Variants in HHLA2 observed in about 807,000 individuals in gnomAD.
The protein encoded by HHLA2 is HHLA2 member of B7 family.
HHLA2 carries 48 observed loss-of-function variants against 45.9 expected under a neutral mutation model. That is an observed-to-expected ratio of 1.05 (90% CI 0.83 to 1.33). HHLA2 has a LOEUF of 1.33. Ranked by LOEUF, HHLA2 falls within the 40% of genes most tolerant of loss-of-function variation. The pLI is 0.00. For synonymous variants in HHLA2, 161 were observed against 173.9 expected, an observed-to-expected ratio of 0.93 and a Z score of 0.59; for missense variants, 462 against 494.3, an observed-to-expected ratio of 0.93 and a Z score of 0.62.
intron 1 of HHLA2, among the ~76,000 whole-genome samples, chr3:108,310,354 A>C (rs1424533038): frequency 6.6e-6 from 1 of 152,212 alleles, no homozygotes; most frequent in African/African-American, 2.4e-5. Flanking sequence ...AAATTCATCA[A>C]AAATACCTGT....
At chr3:108,305,178 CT>C (rs2080909756) in intron 1 of HHLA2, among the ~76,000 whole-genome samples, 1 of 151,512 alleles carries the variant, frequency 6.6e-6, no homozygotes, top group East Asian at 2.0e-4. Context: ...CCTGGGTTTT[CT>C]AGAAAACAGA....
At chr3:108,301,846 C>T (rs989979251) in intron 1 of HHLA2, among the ~76,000 whole-genome samples, 7 of 152,102 alleles carry the variant, frequency 4.6e-5, no homozygotes, top group African/African-American at 1.7e-4. Context: ...TATTGTTTCT[C>T]TTCTGCTTCT....
intron 3 of HHLA2, among the ~76,000 whole-genome samples, chr3:108,334,170 G>A (rs912322650): frequency 2.0e-5 from 3 of 152,176 alleles, no homozygotes; most frequent in African/African-American, 7.2e-5. Flanking sequence ...TGTAGTCACA[G>A]ATCCAAAGGC....
intron 7 of HHLA2, among the ~76,000 whole-genome samples, 152 bp from the exon 7 acceptor site, chr3:108,362,190 G>T (rs1242715663): frequency 6.6e-6 from 1 of 152,128 alleles, no homozygotes; most frequent in Non-Finnish European, 1.5e-5. Context: ...ATTATGCAAA[G>T]TGTTTTCATA....
intron 5 of HHLA2, among the ~76,000 whole-genome samples, 193 bp from the exon 5 acceptor site, chr3:108,354,922 G>A (rs1273764047): frequency 2.0e-5 from 3 of 152,026 alleles, no homozygotes; most frequent in Non-Finnish European, 4.4e-5. Context: ...ATTTCTTCTA[G>A]ATAACCACAC....
At chr3:108,332,832 C>A (rs9856947) in intron 3 of HHLA2, among the ~76,000 whole-genome samples, 2,354 of 152,230 alleles carry the variant, frequency 0.015, 63 homozygotes, top group African/African-American at 0.054. Context: ...GTTTATGTAG[C>A]CCTTCCTTAG....
At chr3:108,323,149 G>C (rs2081233554) in intron 2 of HHLA2, among the ~76,000 whole-genome samples, 1 of 134,740 alleles carries the variant, frequency 7.4e-6, no homozygotes, top group Non-Finnish European at 1.6e-5. Flanking sequence ...CTGTGGTTGG[G>C]GGGCAGTGAG....
In HHLA2 at chr3:108,298,017, C is replaced by T. The variant is rs187830602; in HGVS notation, c.-192+1418C>T. 9.5e-4 allele frequency among the ~76,000 whole-genome samples: 145 copies of T among 152,292 alleles called. 1 individual carries two copies. The highest frequency in any genetic ancestry group is 1.7e-3 in the East Asian group (9 of 5,190). On this transcript the variant is annotated intron_variant, in intron 1 of 10. Coordinates refer to ENST00000619531, the Ensembl canonical transcript of HHLA2. ...TACATAACCAGCATTCTCTTTGAGG[C>T]TTTGAATGTCTGTCTAACTGACTTC...
At chr3:108,319,482 T>C (rs1310629550) in intron 2 of HHLA2, among the ~76,000 whole-genome samples, 1 of 152,182 alleles carries the variant, frequency 6.6e-6, no homozygotes, top group African/African-American at 2.4e-5. Context: ...TCTGCAATAA[T>C]TCTGTCTTGG....
At chr3:108,315,793 G>A (rs969672885) in intron 2 of HHLA2, among the ~76,000 whole-genome samples, 8 of 152,032 alleles carry the variant, frequency 5.3e-5, no homozygotes, top group Admixed American at 3.3e-4. Context: ...TATACCTTGC[G>A]TTTTCTTTTA....
chr3:108,354,157 G>GA (rs1319514528), intron 5 of HHLA2, among the ~76,000 whole-genome samples: 6 of 152,086 alleles, frequency 3.9e-5, no homozygotes, highest in Middle Eastern at 3.4e-3. Flanking sequence ...TATCATGACT[G>GA]AAAAAATATT....
chr3:108,329,820 T>C (rs2081353768), intron 3 of HHLA2, among the ~76,000 whole-genome samples: 1 of 152,214 alleles, frequency 6.6e-6, no homozygotes, highest in African/African-American at 2.4e-5. Context: ...GTCAGGTATT[T>C]ATGAACAATC....
intron 3 of HHLA2, among the ~76,000 whole-genome samples, chr3:108,343,166 GT>G (rs2081605088): frequency 6.6e-6 from 1 of 152,226 alleles, no homozygotes; most frequent in Non-Finnish European, 1.5e-5. Flanking sequence ...GTCAAGATAA[GT>G]TGGAGGGCAT....
At chr3:108,358,078 T>C in exon 7 of HHLA2, 1 of 1,613,752 alleles carries the variant, frequency 6.2e-7, no homozygotes, top group Non-Finnish European at 8.5e-7. Context: ...TTGATGGATC[T>C]TAATCTTTCA....
At chr3:108,339,496 A>G (rs375654110) in intron 3 of HHLA2, among the ~76,000 whole-genome samples, 4 of 152,150 alleles carry the variant, frequency 2.6e-5, no homozygotes, top group African/African-American at 7.2e-5. Flanking sequence ...AATGGAAATT[A>G]TAATACTTCA....
chr3:108,348,022 C>G (rs2081700160), intron 3 of HHLA2, among the ~76,000 whole-genome samples: 1 of 151,944 alleles, frequency 6.6e-6, no homozygotes, highest in Non-Finnish European at 1.5e-5. Context: ...ATGAACAGTT[C>G]AGAAGAATAG....
chr3:108,303,563 A>G (rs1206544899), intron 1 of HHLA2, among the ~76,000 whole-genome samples: 1 of 152,202 alleles, frequency 6.6e-6, no homozygotes, highest in African/African-American at 2.4e-5. Context: ...AATTTCTAAT[A>G]TAAAACATAT....
In HHLA2 at chr3:108,376,476, C is replaced by CTT; in HGVS notation, c.1160-9_1160-8dup. 1 of 1,563,898 alleles carries CTT rather than the reference C, an allele frequency of 6.4e-7. No individual in the cohort carries two copies. On this transcript the variant is annotated splice_polypyrimidine_tract_variant and intron_variant, in intron 9 of 10. Transcript: ENST00000619531. ...TGCAAAGAAATTATTTTTAAGTTCTCTTTTTTTTTCCTGTAGAAAGATGTT... is the reference window on the plus strand; with the variant it reads ...TGCAAAGAAATTATTTTTAAGTTCTCTTTTTTTTTTTCCTGTAGAAAGATGTT...
At chr3:108,377,182 CAATA>C (rs2082289332) in intron 10 of HHLA2, 72 bp from the exon 10 acceptor site, 2 of 1,001,228 alleles carry the variant, frequency 2.0e-6, no homozygotes, top group East Asian at 5.1e-5. Flanking sequence ...ACACTACTAT[CAATA>C]AATATTTAAG....
Sources: gnomAD v4.1 joint callset for allele counts (sites outside exome capture counted in the v4.1 genomes callset) on GRCh38, gnomAD v4.1.1 for gene constraint, MANE v1.5 for transcripts, NCBI Gene and HGNC (gene_info 2026-07-23, HGNC 2026-07-21) for gene names.